Variants in DLGAP1 observed in about 807,000 individuals in gnomAD.
The protein encoded by DLGAP1 is DLG associated protein 1.
A neutral mutation model predicts 90.8 loss-of-function variants in DLGAP1; 11 were observed. The observed-to-expected ratio is 0.12, with a 90% confidence interval of 0.08 to 0.20. The LOEUF is 0.20. Among genes scored for constraint, DLGAP1 ranks in the 10% least tolerant of loss-of-function variants. The probability of loss-of-function intolerance (pLI) is 1.00; values close to 1 mark genes in which losing one functional copy is unlikely to be tolerated. For synonymous variants in DLGAP1, 558 were observed against 540.7 expected (o/e 1.03, Z -0.44); for missense variants, 1,050 against 1,333.8 (o/e 0.79, Z 3.31).
chr18:3,569,158 T>C lies in DLGAP1; in HGVS notation c.1966-1577A>G, dbSNP rs537581086. On this transcript the variant is annotated intron_variant, in intron 8 of 12. Coordinates refer to ENST00000315677, the MANE Select transcript of DLGAP1 (RefSeq NM_004746.4). Reference sequence around the variant, plus strand: ...CTGAAATTACAGACGCGTGCCACCATGCCCAGCTAATTTTTGTATTTTTAG... The same window carrying C: ...CTGAAATTACAGACGCGTGCCACCACGCCCAGCTAATTTTTGTATTTTTAG... Among the ~76,000 whole-genome samples, 4 of 151,394 alleles carry C rather than the reference T, an allele frequency of 2.6e-5. No homozygotes were observed. The East Asian group carries it at 6.0e-4, about 23-fold the overall frequency.
chr18:4,208,994 T>C (rs1364248687), intron 1 of DLGAP1, among the ~76,000 whole-genome samples: 1 of 151,842 alleles, frequency 6.6e-6, no homozygotes, highest in East Asian at 1.9e-4. Context: ...TTTCAAGTAG[T>C]GGGAAAAGAA....
chr18:4,401,275 T>A (rs1257202970), intron 1 of DLGAP1, among the ~76,000 whole-genome samples: 1 of 152,226 alleles, frequency 6.6e-6, no homozygotes, highest in Non-Finnish European at 1.5e-5. Flanking sequence ...CAGACCCTGG[T>A]TGGATGAAAG....
intron 1 of DLGAP1, among the ~76,000 whole-genome samples, chr18:4,414,801 G>T (rs2082856095): frequency 6.6e-6 from 1 of 151,620 alleles, no homozygotes; most frequent in African/African-American, 2.4e-5. Context: ...GAGAATAGGT[G>T]GCACCTTCAT....
chr18:3,545,091 C>T (rs1002952237), intron 9 of DLGAP1, among the ~76,000 whole-genome samples: 9 of 151,494 alleles, frequency 5.9e-5, no homozygotes, highest in Non-Finnish European at 1.2e-4. Context: ...CTGGCCAACA[C>T]GGTGAAACTC....
chr18:4,368,673 ACACACACAC>A (rs1184201329), intron 1 of DLGAP1, among the ~76,000 whole-genome samples: 1 of 150,968 alleles, frequency 6.6e-6, no homozygotes, highest in Non-Finnish European at 1.5e-5. Context: ...ACACACACAC[ACACACACAC>A]ATCCTATTGG....
chr18:4,193,098 T>C (rs903839476), intron 1 of DLGAP1, among the ~76,000 whole-genome samples: 1 of 152,210 alleles, frequency 6.6e-6, no homozygotes, highest in Non-Finnish European at 1.5e-5. Flanking sequence ...AGCCACTGAA[T>C]AGAACTAGAA....
intron 3 of DLGAP1, among the ~76,000 whole-genome samples, chr18:3,937,494 G>A (rs7229668): frequency 2.0e-5 from 3 of 151,898 alleles, no homozygotes; most frequent in Admixed American, 6.6e-5. Flanking sequence ...TTATCTCCAC[G>A]TGACCCCGCC....
At chr18:3,641,180 T>C (rs1247593535) in intron 7 of DLGAP1, among the ~76,000 whole-genome samples, 3 of 151,868 alleles carry the variant, frequency 2.0e-5, no homozygotes, top group Admixed American at 2.0e-4. Context: ...ACTAGTATTA[T>C]ATATCATATA....
chr18:3,748,242 G>GTGAC (rs1459847711), intron 5 of DLGAP1, among the ~76,000 whole-genome samples: 2 of 152,162 alleles, frequency 1.3e-5, no homozygotes, highest in Non-Finnish European at 2.9e-5. Flanking sequence ...AAGTTCTTAG[G>GTGAC]TGACAGTGAG....
intron 5 of DLGAP1, among the ~76,000 whole-genome samples, chr18:3,765,191 A>G (rs906266474): frequency 6.9e-5 from 9 of 130,316 alleles, no homozygotes; most frequent in Non-Finnish European, 1.1e-4. Context: ...GCAGTGGCGC[A>G]GTCTCGGCTC....
At chr18:4,269,495 A>C (rs1041253252) in intron 1 of DLGAP1, among the ~76,000 whole-genome samples, 80 of 151,896 alleles carry the variant, frequency 5.3e-4, no homozygotes, top group South Asian at 1.5e-3. Flanking sequence ...CTGGGACTAC[A>C]GGAGCCCACC....
chr18:3,557,249 C>T (rs564207542), intron 9 of DLGAP1, among the ~76,000 whole-genome samples: 41 of 152,208 alleles, frequency 2.7e-4, no homozygotes, highest in Admixed American at 9.2e-4. Flanking sequence ...CTGCCGGGTG[C>T]GGTGGCTCAC....
chr18:3,527,313 C>T (rs1279759283), intron 10 of DLGAP1, among the ~76,000 whole-genome samples: 2 of 151,448 alleles, frequency 1.3e-5, no homozygotes, highest in African/African-American at 2.4e-5. Flanking sequence ...TAGACTCTTT[C>T]TTCTTCAACT....
chr18:4,330,272 T>C (rs2080918713), intron 1 of DLGAP1, among the ~76,000 whole-genome samples: 1 of 149,458 alleles, frequency 6.7e-6, no homozygotes, highest in Non-Finnish European at 1.5e-5. Context: ...TTGGACTGGC[T>C]AAGGATTTGT....
intron 1 of DLGAP1, among the ~76,000 whole-genome samples, chr18:4,169,778 T>C (rs1199192742): frequency 6.6e-6 from 1 of 152,228 alleles, no homozygotes; most frequent in Non-Finnish European, 1.5e-5. Flanking sequence ...AATCTGTGTT[T>C]CTCTTCTTCA....
intron 1 of DLGAP1, among the ~76,000 whole-genome samples, chr18:4,305,432 G>T (rs1392152212): frequency 6.7e-6 from 1 of 149,876 alleles, no homozygotes; most frequent in Non-Finnish European, 1.5e-5. Context: ...CACTCGGGAG[G>T]CTGAGGCAGG....
At chr18:4,444,009 C>T (rs1419352541) in intron 1 of DLGAP1, among the ~76,000 whole-genome samples, 1 of 152,204 alleles carries the variant, frequency 6.6e-6, no homozygotes, top group African/African-American at 2.4e-5. Flanking sequence ...TGCTCAGCTA[C>T]TGATCCCTTC....
chr18:3,852,972 C>T (rs2148694495), intron 4 of DLGAP1, among the ~76,000 whole-genome samples: 1 of 151,934 alleles, frequency 6.6e-6, no homozygotes, highest in Admixed American at 6.6e-5. Context: ...TGGCCCTTGT[C>T]TGGTTTAAGT....
At chr18:3,793,890 T>C (rs1568144806) in intron 5 of DLGAP1, among the ~76,000 whole-genome samples, 1 of 152,212 alleles carries the variant, frequency 6.6e-6, no homozygotes, top group African/African-American at 2.4e-5. Flanking sequence ...TTAGCCGTTA[T>C]CCTAGTCTTC....
Sources: allele counts gnomAD v4.1 joint callset (sites outside exome capture counted in the v4.1 genomes callset), GRCh38; gene constraint gnomAD v4.1.1; transcripts MANE v1.5; gene names NCBI Gene and HGNC (gene_info 2026-07-23, HGNC 2026-07-21).